Variants in ZNF469 observed in about 807,000 individuals in gnomAD.
The protein encoded by ZNF469 is zinc finger protein 469.
ZNF469 carries 1 observed loss-of-function variant against 1.0 expected under a neutral mutation model. The ratio of observed to expected loss-of-function variants is 1.00; its 90% CI spans 0.35 to 4.73. The LOEUF is 4.73. Among genes scored for constraint, ZNF469 ranks in the 30% most tolerant of loss-of-function variants. The pLI is 0.16. For missense variants in ZNF469, 6,100 were observed against 5,356.3 expected (o/e 1.14, Z -4.33); for synonymous variants, 2,703 against 2,363.4 (o/e 1.14, Z -4.17).
the ZNF469 span, among the ~76,000 whole-genome samples, chr16:88,339,616 G>GA: frequency 2.4e-5 from 1 of 41,394 alleles, no homozygotes; most frequent in Non-Finnish European, 5.2e-5. Context: ...GCAGGGGGAT[G>GA]GGGGACATGG....
chr16:88,380,988 ACACAGACATGCACTCACACACATGCGCT>A (rs2092521686), upstream of ZNF469, among the ~76,000 whole-genome samples: 8 of 133,232 alleles, frequency 6.0e-5, no homozygotes, highest in South Asian at 2.6e-4. Context: ...ATATGCACTC[ACACAGACATGCACTCACACACATGCGCT>A]CACAGACATG....
chr16:88,169,042 G>A, the ZNF469 span, among the ~76,000 whole-genome samples: 77 of 152,246 alleles, frequency 5.1e-4, 1 homozygote, highest in African/African-American at 1.7e-3. This position sits in a 1 kb window ranked among gnomAD's most constrained non-coding sequence, Gnocchi z 6.1. Flanking sequence ...GAACATTCAC[G>A]TTGGGGGACA....
the ZNF469 span, among the ~76,000 whole-genome samples, chr16:88,249,429 C>CTTTTTTTTTTTTTTTTTTTTTTTTT: frequency 3.1e-5 from 2 of 63,636 alleles, no homozygotes; most frequent in Admixed American, 2.0e-4. Context: ...TTTTCTTTTT[C>CTTTTTTTTTTTTTTTTTTTTTTTTT]TTTTTTTTTT....
the ZNF469 span, among the ~76,000 whole-genome samples, chr16:88,148,912 G>A: frequency 1.2e-4 from 18 of 152,206 alleles, no homozygotes; most frequent in African/African-American, 4.3e-4. Context: ...TCAGGACTCA[G>A]ACAGTGCCTG....
the ZNF469 span, among the ~76,000 whole-genome samples, chr16:88,249,926 T>C: frequency 6.6e-6 from 1 of 152,196 alleles, no homozygotes; most frequent in Non-Finnish European, 1.5e-5. Flanking sequence ...TGCCAAGTGC[T>C]CCTCCCTGAC....
chr16:88,217,086 G>A, the ZNF469 span, among the ~76,000 whole-genome samples: 1 of 152,150 alleles, frequency 6.6e-6, no homozygotes, highest in Non-Finnish European at 1.5e-5. Flanking sequence ...TCTAAGTTGT[G>A]TATTTTCTCT....
chr16:88,172,055 T>A, the ZNF469 span, among the ~76,000 whole-genome samples: 2 of 152,172 alleles, frequency 1.3e-5, no homozygotes, highest in Non-Finnish European at 2.9e-5. Context: ...GCCAGCTCAC[T>A]GTAATGAGGG....
the ZNF469 span, among the ~76,000 whole-genome samples, chr16:88,155,435 A>G: frequency 6.6e-6 from 1 of 152,202 alleles, no homozygotes; most frequent in African/African-American, 2.4e-5. Context: ...TGTTGCCCCA[A>G]AAGGAAACTG....
At chr16:88,193,867 G>A in the ZNF469 span, among the ~76,000 whole-genome samples, 20 of 152,172 alleles carry the variant, frequency 1.3e-4, no homozygotes, top group African/African-American at 4.6e-4. Context: ...CTCACATGGC[G>A]GAAGGGGCAA....
At chr16:88,275,605 C>T in the ZNF469 span, among the ~76,000 whole-genome samples, 3 of 152,172 alleles carry the variant, frequency 2.0e-5, no homozygotes, top group Non-Finnish European at 2.9e-5. Flanking sequence ...GCGGCTTTCT[C>T]CTCATGACTA....
At chr16:88,328,288 C>A in the ZNF469 span, among the ~76,000 whole-genome samples, 1 of 152,352 alleles carries the variant, frequency 6.6e-6, no homozygotes, top group South Asian at 2.1e-4. Flanking sequence ...TGTAGAGGAA[C>A]AAAATTCTCA....
At chr16:88,365,138 T>C in the ZNF469 span, among the ~76,000 whole-genome samples, 1 of 152,130 alleles carries the variant, frequency 6.6e-6, no homozygotes. Context: ...ATGAGTCGAG[T>C]CTCAGCCCAG....
At chr16:88,416,577 C>T (rs1905306293) in intron 1 of ZNF469, among the ~76,000 whole-genome samples, 1 of 152,188 alleles carries the variant, frequency 6.6e-6, no homozygotes, top group African/African-American at 2.4e-5. Flanking sequence ...CAGAAAAGAC[C>T]ACTGAAAGAA....
At chr16:88,263,532 G>C in the ZNF469 span, among the ~76,000 whole-genome samples, 1 of 152,204 alleles carries the variant, frequency 6.6e-6, no homozygotes. Context: ...GGCCATGGTG[G>C]GGTTGGTTGG....
the ZNF469 span, among the ~76,000 whole-genome samples, chr16:88,326,076 TG>T: frequency 6.6e-6 from 1 of 152,214 alleles, no homozygotes; most frequent in Non-Finnish European, 1.5e-5. Context: ...GCCCCAGCAA[TG>T]GGCCACAGAC....
the ZNF469 span, among the ~76,000 whole-genome samples, chr16:88,286,783 G>A: frequency 6.6e-6 from 1 of 152,158 alleles, no homozygotes; most frequent in Admixed American, 6.5e-5. Context: ...GACAGATACT[G>A]CCCTGTGGCC....
chr16:88,233,096 G>A, the ZNF469 span, among the ~76,000 whole-genome samples: 10 of 152,194 alleles, frequency 6.6e-5, no homozygotes, highest in East Asian at 3.9e-4. Context: ...GTTCAAGGAC[G>A]AGGCTTCCGA....
upstream of ZNF469, among the ~76,000 whole-genome samples, chr16:88,380,247 ATGCACTCACACACG>A (rs1204225275): frequency 1.4e-4 from 21 of 150,018 alleles, no homozygotes; most frequent in South Asian, 8.7e-4. Context: ...TCACACACAA[ATGCACTCACACACG>A]TGCACTCACA....
chr16:88,130,361 C>G, the ZNF469 span, among the ~76,000 whole-genome samples: 1 of 152,084 alleles, frequency 6.6e-6, no homozygotes, highest in Non-Finnish European at 1.5e-5. Context: ...TAGAAACCAC[C>G]ACGCAGGCAG....
Sources: allele counts gnomAD v4.1 joint callset (sites outside exome capture counted in the v4.1 genomes callset), GRCh38; gene constraint gnomAD v4.1.1; non-coding constraint Gnocchi (gnomAD v3.1); transcripts MANE v1.5; gene names NCBI Gene and HGNC (gene_info 2026-07-23, HGNC 2026-07-21).